The following SERPIND1 variants were observed in gnomAD, a reference collection of about 807,000 sequenced individuals.
SERPIND1 encodes the protein heparin cofactor 2.
In SERPIND1, 34 loss-of-function variants were observed where a neutral mutation model predicts 35.0. That is an observed-to-expected ratio of 0.97 (90% CI 0.74 to 1.29). The LOEUF (loss-of-function observed/expected upper bound fraction) is 1.29, where lower values mean the gene tolerates loss of function less well. Ranked by LOEUF, SERPIND1 falls within the 50% of genes most tolerant of loss-of-function variation. SERPIND1 has a pLI of 0.00. For missense variants in SERPIND1, 633 were observed against 637.7 expected, an observed-to-expected ratio of 0.99 and a Z score of 0.08; for synonymous variants, 236 against 241.1, an observed-to-expected ratio of 0.98 and a Z score of 0.19.
intron 1 of SERPIND1, among the ~76,000 whole-genome samples, chr22:20,777,779 G>A (rs1246835035): frequency 6.6e-6 from 1 of 152,218 alleles, no homozygotes; most frequent in African/African-American, 2.4e-5. Context: ...CCAGAGTGCA[G>A]TTAATAACCA....
chr22:20,783,911 G>A (rs1933995876), intron 2 of SERPIND1, 61 bp from the exon 3 acceptor site: 1 of 1,606,700 alleles, frequency 6.2e-7, no homozygotes, highest in Non-Finnish European at 8.5e-7. Context: ...TCACTCTCAA[G>A]GGTGAGACGA....
At chr22:20,777,366 G>A (rs182471316) in intron 1 of SERPIND1, among the ~76,000 whole-genome samples, 1 of 152,082 alleles carries the variant, frequency 6.6e-6, no homozygotes, top group Admixed American at 6.5e-5. Flanking sequence ...ACAGGCATGC[G>A]CCACCACGCC....
rs199867687 is a variant in SERPIND1, at chr22:20,779,505, G to A, written c.193G>A (p.Val65Ile). Reference protein sequence around the residue: ...LPADFHKENTVTNDWIPEGEE... With the variant: ...LPADFHKENTITNDWIPEGEE... Reference sequence around the variant, plus strand: ...TGCCGACTTCCACAAGGAAAACACCGTCACCAACGACTGGATTCCAGAGGG... The same window carrying A: ...TGCCGACTTCCACAAGGAAAACACCATCACCAACGACTGGATTCCAGAGGG... Residue 65 changes from valine (V) to isoleucine (I), a missense_variant, in exon 2 of 5, where the codon GTC becomes ATC. Transcript: ENST00000215727. The A allele has an allele frequency of 4.0e-5, 64 of 1,614,074 alleles. No individual in the cohort carries two copies. Among genetic ancestry groups the A allele is most frequent in the East Asian group, 3.3e-4 (15 of 44,880 alleles).
At chr22:20,784,656 G>A (rs1048726221) in intron 3 of SERPIND1, among the ~76,000 whole-genome samples, 1 of 152,174 alleles carries the variant, frequency 6.6e-6, no homozygotes, top group Admixed American at 6.5e-5. Flanking sequence ...AAAAAAGATT[G>A]GCTCAACTCT....
Position 20,784,234 on chromosome 22 carries a change from C to G in SERPIND1, c.1152C>G (p.Ser384Arg), listed in dbSNP as rs937181724. ...GGGTGGTGGAGAGATGGCAAAAAAGCATGACAAACAGGTATTTCACACTGT... is the reference window on the plus strand; with the variant it reads ...GGGTGGTGGAGAGATGGCAAAAAAGGATGACAAACAGGTATTTCACACTGT... ...TPRVVERWQK[S>R]MTNRTREVLL... Residue 384 changes from serine to arginine, a missense_variant, in exon 3 of 5, where the codon AGC becomes AGG. Coordinates refer to ENST00000215727, the MANE Select transcript of SERPIND1 (RefSeq NM_000185.4). The G allele has an allele frequency of 1.9e-6, 3 of 1,614,010 alleles. No individual in the cohort carries two copies. The highest frequency in any genetic ancestry group is 3.3e-5 in the Admixed American group (2 of 59,992).
At chr22:20,777,121 C>T (rs956201969) in intron 1 of SERPIND1, among the ~76,000 whole-genome samples, 3 of 151,944 alleles carry the variant, frequency 2.0e-5, no homozygotes, top group Admixed American at 1.3e-4. Flanking sequence ...GGCGTGATCA[C>T]GGCTCACTGC....
rs200605188 is a variant in SERPIND1, at chr22:20,786,975, C to T, written c.1409C>T (p.Thr470Ile). Reference sequence around the variant, plus strand: ...CCGCTGTCCACCCAAGTCCGCTTCACTGTCGACCGCCCCTTTCTTTTCCTC... The same window carrying T: ...CCGCTGTCCACCCAAGTCCGCTTCATTGTCGACCGCCCCTTTCTTTTCCTC... ...FMPLSTQVRF[T>I]VDRPFLFLIY... Residue 470 changes from threonine to isoleucine, a missense_variant, in exon 5 of 5, where the codon ACT becomes ATT. By Grantham distance (89) the Thr-to-Ile change is moderately conservative. Transcript: ENST00000215727. 117 of 1,614,102 alleles carry T rather than the reference C, an allele frequency of 7.2e-5. No homozygotes were observed. The highest frequency in any genetic ancestry group is 9.7e-5 in the Non-Finnish European group (114 of 1,180,052).
In SERPIND1 at chr22:20,779,815, G is replaced by C. The variant is rs1160878224; in HGVS notation, c.503G>C (p.Gly168Ala). Residue 168 changes from glycine (G) to alanine (A), a missense_variant, in exon 2 of 5, where the codon GGT becomes GCT. Transcript: ENST00000215727. ...ACTGCGATGGGTATGATTTCCTTAG[G>C]TCTGAAGGGAGAGACCCATGAACAA... The part of the protein sequence containing the change: ...ISTAMGMISL[G>A]LKGETHEQVH... The C allele has an allele frequency of 1.2e-6, 2 of 1,614,196 alleles. No homozygotes were observed. Among genetic ancestry groups the C allele is most frequent in the Non-Finnish European group, 1.7e-6 (2 of 1,180,030 alleles).
Position 20,780,176 on chromosome 22 carries a change from G to C in SERPIND1, c.864G>C (p.Met288Ile). 1 of 1,614,218 alleles carries C rather than the reference G, an allele frequency of 6.2e-7. No individual in the cohort carries two copies. The highest frequency in any genetic ancestry group is 8.5e-7 in the Non-Finnish European group (1 of 1,180,044). ...ATATAGACCCTGCTACCCAGATGAT[G>C]ATTCTCAACTGCATCTACTTCAAAG... is the stretch of plus-strand genomic sequence containing the variant. ...LENIDPATQM[M>I]ILNCIYFKGS... The change falls in exon 2 of 5, where the codon ATG (methionine) becomes ATC (isoleucine). Residue 288 changes from methionine (M) to isoleucine (I), a missense_variant. Met to Ile is a conservative substitution (Grantham distance 10). Transcript: ENST00000215727.
intron 1 of SERPIND1, among the ~76,000 whole-genome samples, chr22:20,774,500 C>T (rs560878319): frequency 2.0e-5 from 3 of 152,170 alleles, no homozygotes; most frequent in Admixed American, 6.5e-5. Flanking sequence ...CAGTGGCTCA[C>T]GCCTGTAATC....
At chr22:20,781,839 A>G (rs2147493749) in intron 2 of SERPIND1, among the ~76,000 whole-genome samples, 1 of 152,356 alleles carries the variant, frequency 6.6e-6, no homozygotes, top group Non-Finnish European at 1.5e-5. Flanking sequence ...GTGTGACCTC[A>G]GACAAGTCAT....
intron 1 of SERPIND1, 106 bp from the exon 2 acceptor site, chr22:20,779,191 A>C (rs764044379): frequency 6.3e-7 from 1 of 1,588,188 alleles, no homozygotes; most frequent in South Asian, 1.1e-5. Context: ...TAATGCTGTG[A>C]GGGCCTCTTC....
intron 1 of SERPIND1, among the ~76,000 whole-genome samples, chr22:20,775,291 A>T (rs1183105122): frequency 6.6e-6 from 1 of 152,248 alleles, no homozygotes; most frequent in African/African-American, 2.4e-5. Flanking sequence ...ACCTAGTGAT[A>T]GTTTTTAAAC....
At chr22:20,785,067 C>CCTTTTT (rs1555894633) in intron 3 of SERPIND1, among the ~76,000 whole-genome samples, 1 of 134,452 alleles carries the variant, frequency 7.4e-6, no homozygotes, top group Non-Finnish European at 1.6e-5. Flanking sequence ...GGGACTGCAT[C>CCTTTTT]TTTTTTTTTT....
At chr22:20,783,210 C>T (rs2147500736) in intron 2 of SERPIND1, among the ~76,000 whole-genome samples, 1 of 152,268 alleles carries the variant, frequency 6.6e-6, no homozygotes, top group Middle Eastern at 3.4e-3. Context: ...GCACTGTCCC[C>T]ATATCTACAG....
chr22:20,781,881 T>C (rs1933826906), intron 2 of SERPIND1, among the ~76,000 whole-genome samples: 1 of 152,180 alleles, frequency 6.6e-6, no homozygotes. Flanking sequence ...TTCCTTATCT[T>C]TATCACAGAG....
chr22:20,782,009 G>C (rs540175614), intron 2 of SERPIND1, among the ~76,000 whole-genome samples: 2 of 152,192 alleles, frequency 1.3e-5, no homozygotes, highest in African/African-American at 4.8e-5. Flanking sequence ...TACAATACTA[G>C]TACAATATGA....
Position 20,784,261 on chromosome 22 carries a change from T to G in SERPIND1, c.1163+16T>G. 1 of 1,614,018 alleles carries G rather than the reference T, an allele frequency of 6.2e-7. No individual in the cohort carries two copies. The highest frequency in any genetic ancestry group is 8.5e-7 in the Non-Finnish European group (1 of 1,179,948). The stretch of plus-strand genomic sequence containing the variant: ...TGACAAACAGGTATTTCACACTGTG[T>G]GTTTGTTCTTTTGAGCTCCCAGATG... On this transcript the variant is annotated intron_variant, in intron 3 of 4. Coordinates refer to ENST00000215727, the MANE Select transcript of SERPIND1 (RefSeq NM_000185.4).
In SERPIND1 at chr22:20,785,973, A is replaced by G. The variant is rs1048888934; in HGVS notation, c.1164-31A>G. The G allele has an allele frequency of 1.4e-5, 23 of 1,614,028 alleles. No homozygotes were observed. The Admixed American group carries it at 1.7e-4, about 12-fold the overall frequency. ...TTCTTTTGTAACTTGTGGTTCAATA[A>G]AACTGGGCCCCCCTTTCCTTTTCTG... is the stretch of plus-strand genomic sequence containing the variant. On this transcript the variant is annotated intron_variant, in intron 3 of 4. Coordinates refer to ENST00000215727, the MANE Select transcript of SERPIND1 (RefSeq NM_000185.4).
Sources: allele counts gnomAD v4.1 joint callset (sites outside exome capture counted in the v4.1 genomes callset), GRCh38; gene constraint gnomAD v4.1.1; transcripts MANE v1.5; gene names NCBI Gene and HGNC (gene_info 2026-07-23, HGNC 2026-07-21).